Variants in PEX7 observed in about 807,000 individuals in gnomAD.
PEX7 encodes the protein PTS2 receptor.
A neutral mutation model predicts 47.5 loss-of-function variants in PEX7; 34 were observed. The observed-to-expected ratio is 0.72, with a 90% CI of 0.54 to 0.95. PEX7 has a LOEUF of 0.95. PEX7 is among the 40% of genes least tolerant of loss of function. PEX7 has a pLI of 0.00. For synonymous variants in PEX7, 141 were observed against 148.8 expected (o/e 0.95, Z 0.38); for missense variants, 394 against 400.3 (o/e 0.98, Z 0.13).
At chr6:136,901,578 A>G (rs1191080207) in intron 9 of PEX7, 1 of 152,300 alleles carries the variant, frequency 6.6e-6, no homozygotes, top group Non-Finnish European at 1.5e-5. Flanking sequence ...ACAAGAGGGC[A>G]AGAGCAAAAG....
intron 9 of PEX7, among the ~76,000 whole-genome samples, chr6:136,905,973 C>T (rs1775838769): frequency 6.6e-6 from 1 of 152,224 alleles, no homozygotes; most frequent in Non-Finnish European, 1.5e-5. Context: ...GAAATCCAGA[C>T]AATGCCTTTC....
intron 9 of PEX7, among the ~76,000 whole-genome samples, chr6:136,903,325 T>C (rs1330917291): frequency 6.8e-6 from 1 of 146,118 alleles, no homozygotes; most frequent in East Asian, 2.0e-4. Context: ...AACAATCTTT[T>C]CTTTCTTTCT....
intron 8 of PEX7, among the ~76,000 whole-genome samples, chr6:136,884,846 A>G (rs954282116): frequency 5.9e-5 from 9 of 152,220 alleles, no homozygotes; most frequent in Admixed American, 5.9e-4. Flanking sequence ...TAGTCTATCA[A>G]AATACATCTT....
chr6:136,911,693 C>A (rs1397505646), intron 9 of PEX7, among the ~76,000 whole-genome samples: 1 of 141,770 alleles, frequency 7.1e-6, no homozygotes, highest in Non-Finnish European at 1.6e-5. Context: ...AGGTATGAAC[C>A]ACTTTGCCCA....
At chr6:136,878,698 G>A (rs1158075224) in intron 8 of PEX7, among the ~76,000 whole-genome samples, 2 of 152,016 alleles carry the variant, frequency 1.3e-5, no homozygotes, top group African/African-American at 4.8e-5. Context: ...GTATATATTA[G>A]GATCTCGCTT....
At chr6:136,836,226 T>A (rs1378066934) in intron 3 of PEX7, among the ~76,000 whole-genome samples, 2 of 97,940 alleles carry the variant, frequency 2.0e-5, no homozygotes, top group Non-Finnish European at 4.5e-5. Flanking sequence ...AAAATTTGTT[T>A]TACATAAAGA....
chr6:136,880,313 C>G (rs1307000477), intron 8 of PEX7, among the ~76,000 whole-genome samples: 1 of 152,162 alleles, frequency 6.6e-6, no homozygotes, highest in African/African-American at 2.4e-5. Context: ...AAACTATCAA[C>G]TTTCTAAGAT....
intron 8 of PEX7, among the ~76,000 whole-genome samples, chr6:136,890,340 T>G (rs972332969): frequency 6.6e-6 from 1 of 152,186 alleles, no homozygotes; most frequent in East Asian, 1.9e-4. Context: ...TTTCTCAGAC[T>G]ATGGGGTCCC....
chr6:136,906,373 A>G (rs752149208), intron 9 of PEX7, among the ~76,000 whole-genome samples: 2 of 152,216 alleles, frequency 1.3e-5, no homozygotes, highest in African/African-American at 2.4e-5. Flanking sequence ...AGAGAGTCCA[A>G]TGAGAAAGTC....
At chr6:136,896,289 C>T (rs1775649247) in intron 8 of PEX7, among the ~76,000 whole-genome samples, 1 of 152,164 alleles carries the variant, frequency 6.6e-6, no homozygotes, top group South Asian at 2.1e-4. Flanking sequence ...GAAATAAAAT[C>T]TAAATTTCAA....
intron 5 of PEX7, among the ~76,000 whole-genome samples, chr6:136,849,916 TTC>T (rs1211373048): frequency 6.6e-6 from 1 of 152,148 alleles, no homozygotes; most frequent in Non-Finnish European, 1.5e-5. Flanking sequence ...CTTGTTAACT[TTC>T]TGTCTCGTTG....
chr6:136,879,812 C>G (rs1775345385), intron 8 of PEX7, among the ~76,000 whole-genome samples: 1 of 152,016 alleles, frequency 6.6e-6, no homozygotes, highest in Non-Finnish European at 1.5e-5. Context: ...TTCTATATTT[C>G]TTTATCTCAT....
chr6:136,892,239 G>A (rs1406550158), intron 8 of PEX7, among the ~76,000 whole-genome samples: 1 of 152,166 alleles, frequency 6.6e-6, no homozygotes, highest in Non-Finnish European at 1.5e-5. Flanking sequence ...CTTGGCATGG[G>A]CTTTGGCTTA....
At chr6:136,833,358 AC>A (rs1774327780) in intron 3 of PEX7, among the ~76,000 whole-genome samples, 1 of 152,212 alleles carries the variant, frequency 6.6e-6, no homozygotes, top group South Asian at 2.1e-4. Flanking sequence ...CTCCTTCGAC[AC>A]GTGGGGATTA....
At chr6:136,912,470 A>T (rs890606164) in intron 9 of PEX7, among the ~76,000 whole-genome samples, 2 of 152,076 alleles carry the variant, frequency 1.3e-5, no homozygotes, top group African/African-American at 4.8e-5. Flanking sequence ...CCATTTATTG[A>T]AAAGACTATT....
At chr6:136,887,469 CTTG>C (rs1299861480) in intron 8 of PEX7, among the ~76,000 whole-genome samples, 1 of 152,056 alleles carries the variant, frequency 6.6e-6, no homozygotes, top group African/African-American at 2.4e-5. Context: ...AGACTTTGTA[CTTG>C]TTGTCATGTC....
intron 7 of PEX7, among the ~76,000 whole-genome samples, chr6:136,871,861 T>C (rs915900165): frequency 1.3e-5 from 2 of 152,180 alleles, no homozygotes; most frequent in African/African-American, 4.8e-5. Context: ...GCATCTGGCC[T>C]GTAAGAATCA....
chr6:136,824,151 G>C (rs1774142435), intron 1 of PEX7, among the ~76,000 whole-genome samples: 2 of 152,198 alleles, frequency 1.3e-5, no homozygotes, highest in Admixed American at 6.5e-5. Context: ...TGGCCCACCA[G>C]TTAGACTGAA....
intron 3 of PEX7, among the ~76,000 whole-genome samples, chr6:136,840,226 A>G (rs1774470176): frequency 6.6e-6 from 1 of 152,180 alleles, no homozygotes; most frequent in African/African-American, 2.4e-5. Flanking sequence ...ACACATATTC[A>G]CCATCTAGCT....
Sources: gnomAD v4.1 joint callset for allele counts (sites outside exome capture counted in the v4.1 genomes callset) on GRCh38, gnomAD v4.1.1 for gene constraint, MANE v1.5 for transcripts, NCBI Gene and HGNC (gene_info 2026-07-23, HGNC 2026-07-21) for gene names.